Variants in MYO16 observed in about 807,000 individuals in gnomAD.
The protein encoded by MYO16 is myosin XVI, also known as unconventional myosin-XVI.
Under a neutral mutation model 205.3 loss-of-function variants are expected in MYO16, and 94 were observed. That is an observed-to-expected ratio of 0.46 (90% CI 0.39 to 0.54). The LOEUF is 0.54. Ranked by LOEUF, MYO16 falls within the 20% of genes least tolerant of loss-of-function variation. The probability of loss-of-function intolerance (pLI) is 0.00; values close to 1 mark genes in which losing one functional copy is unlikely to be tolerated. For synonymous variants in MYO16, 988 were observed against 954.0 expected, an observed-to-expected ratio of 1.04 and a Z score of -0.66; for missense variants, 2,315 against 2,387.5, an observed-to-expected ratio of 0.97 and a Z score of 0.63.
intron 18 of MYO16, 73 bp from the exon 19 acceptor site, chr13:108,962,351 G>C: frequency 8.5e-7 from 1 of 1,174,922 alleles, no homozygotes. Context: ...TATCAATTAT[G>C]GCCATAAAAT....
intron 4 of MYO16, among the ~76,000 whole-genome samples, chr13:108,754,513 GGCGT>G (rs1176910978): frequency 6.8e-6 from 1 of 147,738 alleles, no homozygotes; most frequent in Non-Finnish European, 1.5e-5. Flanking sequence ...TACAGGTTTT[GGCGT>G]GTGTGTGTGT....
chr13:108,555,746 C>T, the MYO16 span, among the ~76,000 whole-genome samples: 1 of 152,144 alleles, frequency 6.6e-6, no homozygotes, highest in Non-Finnish European at 1.5e-5. Flanking sequence ...CCAACTCCCT[C>T]CTCCTCCTCC....
chr13:108,808,789 C>A lies in MYO16; in HGVS notation c.867+1985C>A, dbSNP rs9555517. ...TGTTAATTTATATAGTTAGATTTAACAATTAAAAAAACCCTTTAATGATTA... is the reference window on the plus strand; with the variant it reads ...TGTTAATTTATATAGTTAGATTTAAAAATTAAAAAAACCCTTTAATGATTA... On this transcript the variant is annotated intron_variant, in intron 7 of 34. Coordinates refer to ENST00000457511, the MANE Select transcript of MYO16 (RefSeq NM_001198950.3). Among the ~76,000 whole-genome samples the A allele has an allele frequency of 4.0e-3, 611 of 152,164 alleles. 23 individuals are homozygous for A. In the East Asian group the frequency reaches 0.08, roughly 20 times the overall value.
At chr13:108,887,833 C>T (rs1001232616) in intron 13 of MYO16, among the ~76,000 whole-genome samples, 13 of 152,074 alleles carry the variant, frequency 8.5e-5, no homozygotes, top group African/African-American at 3.1e-4. Flanking sequence ...AAGGAATGCT[C>T]AGAAAGATGT....
At chr13:109,188,236 C>T (rs1246904146) in intron 34 of MYO16, among the ~76,000 whole-genome samples, 1 of 152,190 alleles carries the variant, frequency 6.6e-6, no homozygotes, top group African/African-American at 2.4e-5. Flanking sequence ...ATATAATTCA[C>T]ATACCACACA....
chr13:108,971,349 T>TTATATATATATATA (rs60564701), intron 20 of MYO16, among the ~76,000 whole-genome samples: 110 of 144,266 alleles, frequency 7.6e-4, no homozygotes, highest in Middle Eastern at 3.6e-3. Flanking sequence ...TGTGTGTTGA[T>TTATATATATATATA]TATATATATA....
At position 109,204,837 on chromosome 13, in the gene MYO16, T is replaced by C. The variant is rs186839859; in HGVS notation, c.5416-1772T>C. The stretch of plus-strand genomic sequence containing the variant: ...AGAAGTACCCACTTTACAGGGCTCT[T>C]AAGAGCTGACGAGTTAATGCCTGGA... On this transcript the variant is annotated intron_variant, in intron 34 of 34. Coordinates refer to ENST00000457511, the MANE Select transcript of MYO16 (RefSeq NM_001198950.3). Among the ~76,000 whole-genome samples, 320 of 152,306 alleles carry C rather than the reference T, an allele frequency of 2.1e-3. 4 individuals carry two copies. Among genetic ancestry groups the C allele is most frequent in the Admixed American group, 0.017 (255 of 15,304 alleles).
At chr13:108,716,472 A>G (rs1293195447) in intron 3 of MYO16, among the ~76,000 whole-genome samples, 2 of 152,350 alleles carry the variant, frequency 1.3e-5, no homozygotes, top group Admixed American at 6.5e-5. Flanking sequence ...GTGGCAGCTG[A>G]AGGAGGAGGT....
At chr13:108,984,592 G>T (rs1884563119) in intron 20 of MYO16, among the ~76,000 whole-genome samples, 1 of 152,064 alleles carries the variant, frequency 6.6e-6, no homozygotes, top group Non-Finnish European at 1.5e-5. Context: ...AGTCCTGCTG[G>T]GGTCCCAACT....
chr13:108,554,849 A>G, the MYO16 span, among the ~76,000 whole-genome samples: 8 of 22,194 alleles, frequency 3.6e-4, no homozygotes, highest in South Asian at 0.01. Context: ...GACTCTGACT[A>G]AAAAAAAAAA....
chr13:108,536,847 G>C, the MYO16 span, among the ~76,000 whole-genome samples: 1 of 152,024 alleles, frequency 6.6e-6, no homozygotes, highest in South Asian at 2.1e-4. Flanking sequence ...ATCTAAACCT[G>C]TCATTTTACT....
chr13:108,992,343 G>A, intron 20 of MYO16, 33 bp from the exon 21 acceptor site: 1 of 1,501,774 alleles, frequency 6.7e-7, no homozygotes, highest in African/African-American at 1.4e-5. Flanking sequence ...TTTTAAGGAT[G>A]CCCATTTATC....
intron 4 of MYO16, among the ~76,000 whole-genome samples, chr13:108,743,553 G>C (rs1218525198): frequency 6.6e-6 from 1 of 152,216 alleles, no homozygotes; most frequent in East Asian, 1.9e-4. Context: ...GTGAGGCTCA[G>C]CAGTGACATT....
chr13:109,076,284 T>G, intron 27 of MYO16, among the ~76,000 whole-genome samples: 1 of 152,230 alleles, frequency 6.6e-6, no homozygotes, highest in Non-Finnish European at 1.5e-5. Context: ...TCCTTCCTTC[T>G]TCTTCTTCTT....
intron 20 of MYO16, among the ~76,000 whole-genome samples, chr13:108,985,301 G>A (rs189016268): frequency 6.6e-6 from 1 of 152,308 alleles, no homozygotes; most frequent in East Asian, 1.9e-4. Context: ...GCATGGTCAG[G>A]AAATCCATCC....
At chr13:109,116,811 T>C (rs1382434038) in intron 28 of MYO16, among the ~76,000 whole-genome samples, 1 of 152,060 alleles carries the variant, frequency 6.6e-6, no homozygotes, top group Non-Finnish European at 1.5e-5. Context: ...GGATAATGGC[T>C]GGGAAGGAGC....
intron 27 of MYO16, among the ~76,000 whole-genome samples, chr13:109,079,306 A>G (rs1315462982): frequency 6.6e-6 from 1 of 152,054 alleles, no homozygotes; most frequent in Non-Finnish European, 1.5e-5. Context: ...GGGAGGGCAA[A>G]TCGGAGACTA....
intron 4 of MYO16, among the ~76,000 whole-genome samples, chr13:108,742,322 T>C (rs938966988): frequency 2.6e-5 from 4 of 152,120 alleles, no homozygotes; most frequent in African/African-American, 9.7e-5. Flanking sequence ...AAAAATCTAA[T>C]ATCAGAGAGG....
At position 109,037,521 on chromosome 13, in the gene MYO16, A is replaced by G. The variant is rs187495596; in HGVS notation, c.2797-9395A>G. 4.4e-3 allele frequency among the ~76,000 whole-genome samples: 664 copies of G among 152,340 alleles called. 2 individuals carry two copies. Among genetic ancestry groups the G allele is most frequent in the South Asian group, 6.6e-3 (32 of 4,820 alleles). On this transcript the variant is annotated intron_variant, in intron 23 of 34. Coordinates refer to ENST00000457511, the MANE Select transcript of MYO16 (RefSeq NM_001198950.3). ...TGAGTCCTTCTCAAGTAAGTCATGT[A>G]TAAAACTCTGGAAAACGGCAAAGAA...
Sources: allele counts gnomAD v4.1 joint callset (sites outside exome capture counted in the v4.1 genomes callset), GRCh38; gene constraint gnomAD v4.1.1; transcripts MANE v1.5; gene names NCBI Gene and HGNC (gene_info 2026-07-23, HGNC 2026-07-21).